TMCO1: variants seen among roughly 807,000 people sequenced by gnomAD.
TMCO1 encodes the protein transmembrane and coiled-coil domains 1, also known as calcium load-activated calcium channel.
A neutral mutation model predicts 29.3 loss-of-function variants in TMCO1; 29 were observed. The ratio of observed to expected loss-of-function variants is 0.99; its 90% confidence interval spans 0.74 to 1.35. The LOEUF (loss-of-function observed/expected upper bound fraction) is 1.35, where lower values mean the gene tolerates loss of function less well. Ranked by LOEUF, TMCO1 falls within the 40% of genes most tolerant of loss-of-function variation. TMCO1 has a pLI of 0.00. For synonymous variants in TMCO1, 80 were observed against 77.1 expected (o/e 1.04, Z -0.20); for missense variants, 173 against 225.5 (o/e 0.77, Z 1.49).
At position 165,752,128 on chromosome 1, in the gene TMCO1, A is replaced by C; in HGVS notation, c.297T>G (p.Thr99=). ...KSMFAIGFCF[T]ALMGMFNSIF... is the part of the protein sequence containing the mutation. ...TGGAATTGAACATTCCCATTAGGGC[A>C]GTAAAACAAAAGCCAATAGCAAACA... is the stretch of plus-strand genomic sequence containing the variant. The change falls in exon 5 of 7, where the codon ACT becomes ACG. Residue 99 remains threonine, a synonymous_variant. Transcript: ENST00000367881. The C allele has an allele frequency of 6.2e-7, 1 of 1,613,726 alleles. No homozygotes were observed. Among genetic ancestry groups the C allele is most frequent in the African/African-American group, 1.3e-5 (1 of 74,924 alleles).
intron 2 of TMCO1, among the ~76,000 whole-genome samples, chr1:165,767,168 C>A (rs1652604478): frequency 6.7e-6 from 1 of 149,688 alleles, no homozygotes; most frequent in Admixed American, 6.7e-5. Flanking sequence ...CTGTGTAGAT[C>A]AAATATGGTA....
chr1:165,751,442 G>A (rs1246679412), intron 5 of TMCO1, among the ~76,000 whole-genome samples: 1 of 152,116 alleles, frequency 6.6e-6, no homozygotes, highest in Non-Finnish European at 1.5e-5. Flanking sequence ...GGTGGCTCAC[G>A]CCTGTAATCC....
chr1:165,755,243 A>G lies in TMCO1; in HGVS notation c.209-969T>C, dbSNP rs189304056. Among the ~76,000 whole-genome samples the G allele has an allele frequency of 8.5e-4, 129 of 152,368 alleles. 1 individual carries two copies. Among genetic ancestry groups the G allele is most frequent in the African/African-American group, 3.0e-3 (125 of 41,592 alleles). Reference sequence around the variant, plus strand: ...TGGCTATTGGAATAAACTAGTAGCAATGATGACATCCATTCTGACCACAGA... The same window carrying G: ...TGGCTATTGGAATAAACTAGTAGCAGTGATGACATCCATTCTGACCACAGA... On this transcript the variant is annotated intron_variant, in intron 3 of 6. Transcript: ENST00000367881.
rs1473971212 is a variant in TMCO1 at position 165,727,764 on chromosome 1, T to G, written c.*259A>C. The G allele has an allele frequency of 2.1e-6, 1 of 468,296 alleles. No homozygotes were observed. The highest frequency in any genetic ancestry group is 4.2e-6 in the Non-Finnish European group (1 of 236,610). 29.0% of individuals were successfully genotyped at this position (468,296 alleles called of 1,614,324 possible). On this transcript the variant is annotated 3_prime_UTR_variant, in exon 7 of 7. Transcript: ENST00000367881. ...TGTAAATGAAACAAGAAGGATGCTA[T>G]TTGTTTTTCATTACATAAACATTAC...
At chr1:165,768,098 T>C (rs1245210911) in intron 2 of TMCO1, 94 bp downstream of exon 2, 2 of 1,087,570 alleles carry the variant, frequency 1.8e-6, no homozygotes, top group Non-Finnish European at 2.8e-6. Flanking sequence ...AGGTTCATCT[T>C]TGTATCAGCT....
rs12064088 is a variant in TMCO1 at position 165,733,977 on chromosome 1, A to G, written c.469-5856T>C. Among the ~76,000 whole-genome samples, 1,132 of 152,356 alleles carry G rather than the reference A, an allele frequency of 7.4e-3. 24 individuals carry two copies. The highest frequency in any genetic ancestry group is 0.05 in the South Asian group (242 of 4,834). On this transcript the variant is annotated intron_variant, in intron 6 of 6. Transcript: ENST00000367881. ...TTTGGGAAGACCCAGGTCAATGGCAATAAACACATTCTGCTGAATTTTATT... is the reference window on the plus strand; with the variant it reads ...TTTGGGAAGACCCAGGTCAATGGCAGTAAACACATTCTGCTGAATTTTATT...
intron 3 of TMCO1, 70 bp downstream of exon 3, chr1:165,759,455 A>C: frequency 9.1e-7 from 1 of 1,099,458 alleles, no homozygotes; most frequent in Admixed American, 1.9e-5. Flanking sequence ...ATAATTTTAT[A>C]TTTTCATTAT....
At chr1:165,740,358 G>A (rs1175958984) in intron 6 of TMCO1, among the ~76,000 whole-genome samples, 7 of 151,414 alleles carry the variant, frequency 4.6e-5, no homozygotes, top group African/African-American at 1.2e-4. Context: ...CCACCACCAC[G>A]CCCAGCTAAT....
intron 3 of TMCO1, among the ~76,000 whole-genome samples, chr1:165,758,762 T>C (rs1254087874): frequency 6.6e-6 from 1 of 152,090 alleles, no homozygotes; most frequent in Non-Finnish European, 1.5e-5. Context: ...CATTTTCTCA[T>C]AGAATTAAGT....
chr1:165,748,775 T>C (rs1055753089), intron 5 of TMCO1, among the ~76,000 whole-genome samples: 1 of 152,190 alleles, frequency 6.6e-6, no homozygotes, highest in Non-Finnish European at 1.5e-5. Context: ...TATAATAACA[T>C]GTTATCTACC....
rs189218678 is a variant in TMCO1, at chr1:165,768,646, G to A, written c.70+36C>T. On this transcript the variant is annotated intron_variant, in intron 1 of 6. Transcript: ENST00000367881. The stretch of plus-strand genomic sequence containing the variant: ...GGGACCCCGGGGCCCTTCCTCCCGG[G>A]GACTGATCAAACGTCTGAGAAATAC... 11 of 1,613,948 alleles carry A rather than the reference G, an allele frequency of 6.8e-6. No homozygotes were observed. The African/African-American group carries it at 1.1e-4, about 16-fold the overall frequency.
chr1:165,724,863 A>T (rs777177311), downstream of TMCO1: 34 of 453,794 alleles, frequency 7.5e-5, 1 homozygote, highest in Non-Finnish European at 1.3e-4. Context: ...AAATGATAAG[A>T]TTTGCTTCAA....
At chr1:165,726,032 G>T (rs750107107), downstream of TMCO1, 14 of 688,472 alleles carry the variant, frequency 2.0e-5, no homozygotes, top group South Asian at 2.1e-4. Context: ...AAGCCTCAGG[G>T]TATGAGTGAT....
intron 6 of TMCO1, among the ~76,000 whole-genome samples, chr1:165,740,505 C>T (rs139864444): frequency 6.6e-5 from 10 of 152,068 alleles, no homozygotes; most frequent in African/African-American, 2.4e-4. Context: ...GCGCCTGGCC[C>T]ATCATATTGT....
chr1:165,767,462 C>T (rs931451954), intron 2 of TMCO1, among the ~76,000 whole-genome samples: 2 of 152,220 alleles, frequency 1.3e-5, no homozygotes, highest in African/African-American at 2.4e-5. Flanking sequence ...CGGCTTATCT[C>T]TGAAGACACC....
chr1:165,752,200 C>T (rs756437303), intron 4 of TMCO1, 31 bp from the exon 5 acceptor site: 1 of 1,515,014 alleles, frequency 6.6e-7, no homozygotes, highest in East Asian at 2.4e-5. Flanking sequence ...TGTCATTTTA[C>T]ACTAAAAAAA....
intron 6 of TMCO1, among the ~76,000 whole-genome samples, chr1:165,742,673 AC>A (rs1047555439): frequency 1.3e-5 from 2 of 152,070 alleles, no homozygotes; most frequent in Non-Finnish European, 2.9e-5. Context: ...GGCCTTCATA[AC>A]CCTTTTACTC....
chr1:165,756,240 A>G lies in TMCO1; in HGVS notation c.209-1966T>C, dbSNP rs376364719. On this transcript the variant is annotated intron_variant, in intron 3 of 6. Coordinates refer to ENST00000367881, the MANE Select transcript of TMCO1 (RefSeq NM_019026.6). ...CCAAGGACACAAGCATCTGGAGCAG[A>G]TATTCCTAAGGGGTTGGGAGTGGGG... Among the ~76,000 whole-genome samples the G allele has an allele frequency of 7.2e-5, 11 of 152,158 alleles. No homozygotes were observed. In the East Asian group the frequency reaches 1.3e-3, roughly 19 times the overall value.
intron 5 of TMCO1, among the ~76,000 whole-genome samples, chr1:165,748,027 C>T (rs778792010): frequency 1.5e-4 from 23 of 151,802 alleles, no homozygotes; most frequent in Admixed American, 3.3e-4. Flanking sequence ...GGTGTGGGGG[C>T]GAGTCCCTGT....
Sources: gnomAD v4.1 joint callset for allele counts (sites outside exome capture counted in the v4.1 genomes callset) on GRCh38, gnomAD v4.1.1 for gene constraint, MANE v1.5 for transcripts, NCBI Gene and HGNC (gene_info 2026-07-23, HGNC 2026-07-21) for gene names.